Variants in CTNNA2 observed in about 807,000 individuals in gnomAD.
CTNNA2 encodes the protein catenin alpha 2, also known as catenin alpha-2.
In CTNNA2, 42 loss-of-function variants were observed where a neutral mutation model predicts 101.0. The ratio of observed to expected loss-of-function variants is 0.42; its 90% CI spans 0.32 to 0.54. The LOEUF is 0.54. Ranked by LOEUF, CTNNA2 falls within the 20% of genes least tolerant of loss-of-function variation. The pLI, the probability that CTNNA2 is intolerant of heterozygous loss-of-function variation, is 0.14. For synonymous variants in CTNNA2, 450 were observed against 456.4 expected (o/e 0.99, Z 0.18); for missense variants, 871 against 1,223.1 (o/e 0.71, Z 4.29).
At chr2:79,529,446 A>G (rs1206974836) in intron 1 of CTNNA2, among the ~76,000 whole-genome samples, 2 of 152,150 alleles carry the variant, frequency 1.3e-5, no homozygotes, top group African/African-American at 4.8e-5. Flanking sequence ...TAGGAATAAG[A>G]TCTGGACTTC....
chr2:80,016,615 G>C (rs866964072), intron 7 of CTNNA2, among the ~76,000 whole-genome samples: 1 of 152,208 alleles, frequency 6.6e-6, no homozygotes, highest in Non-Finnish European at 1.5e-5. Context: ...GCCTTTTCAA[G>C]TGGTTGACTT....
intron 2 of CTNNA2, among the ~76,000 whole-genome samples, chr2:79,279,664 G>A (rs1573019106): frequency 6.6e-6 from 1 of 152,176 alleles, no homozygotes; most frequent in South Asian, 2.1e-4. Context: ...TAAACAAAAT[G>A]ACTGCTTTTT....
chr2:79,394,505 T>C (rs1309096002), intron 4 of CTNNA2, among the ~76,000 whole-genome samples: 1 of 152,204 alleles, frequency 6.6e-6, no homozygotes, highest in Admixed American at 6.5e-5. Context: ...AAAGAAGGAA[T>C]GAGCACTTTG....
chr2:80,157,945 A>G (rs750211340), intron 7 of CTNNA2, among the ~76,000 whole-genome samples: 78 of 152,316 alleles, frequency 5.1e-4, no homozygotes, highest in Non-Finnish European at 9.1e-4. Flanking sequence ...TTTCCCATTC[A>G]TGGAAATTCA....
Position 79,874,174 on chromosome 2 carries a change from C to T in CTNNA2, c.684C>T (p.Leu228=), listed in dbSNP as rs767136746. Residue 228 remains leucine (L), a synonymous_variant, in exon 6 of 19, where the codon CTC becomes CTT. Coordinates refer to ENST00000402739, the MANE Select transcript of CTNNA2 (RefSeq NM_001282597.3). ...TGTACACGGCCTCTCAAGCATTTCT[C>T]CGCCACCCAGATGTCGCCGCTACGA... is the stretch of plus-strand genomic sequence containing the variant. ...TMLYTASQAF[L]RHPDVAATRA... is the part of the protein sequence containing the mutation. 5.6e-6 allele frequency: 9 copies of T among 1,614,192 alleles called. No homozygotes were observed. The highest frequency in any genetic ancestry group is 1.6e-4 in the Middle Eastern group (1 of 6,062).
At chr2:79,802,014 T>A (rs978531768) in intron 3 of CTNNA2, among the ~76,000 whole-genome samples, 1,021 of 100,288 alleles carry the variant, frequency 0.01, 1 homozygote, top group Middle Eastern at 0.026. Flanking sequence ...AAAAAAAAAA[T>A]GAAAAAAGAA....
chr2:79,402,605 T>C (rs921239780), intron 4 of CTNNA2, among the ~76,000 whole-genome samples: 1 of 151,852 alleles, frequency 6.6e-6, no homozygotes, highest in African/African-American at 2.4e-5. Context: ...TCTCTCTCTC[T>C]CTGTCTCTCT....
At chr2:80,411,446 CTCT>C (rs1173885437) in intron 8 of CTNNA2, among the ~76,000 whole-genome samples, 1 of 152,128 alleles carries the variant, frequency 6.6e-6, no homozygotes, top group Non-Finnish European at 1.5e-5. Flanking sequence ...GCCATGGGTT[CTCT>C]TCTTTTATCC....
chr2:79,935,560 C>T (rs1687729531), intron 7 of CTNNA2, among the ~76,000 whole-genome samples: 1 of 152,116 alleles, frequency 6.6e-6, no homozygotes, highest in South Asian at 2.1e-4. Context: ...ATCTCATGAT[C>T]AGCCCAGTCT....
chr2:80,331,029 T>C (rs1169343275), intron 7 of CTNNA2, among the ~76,000 whole-genome samples: 1 of 151,972 alleles, frequency 6.6e-6, no homozygotes, highest in Non-Finnish European at 1.5e-5. Context: ...ATGTTTTTTT[T>C]TTTTTTTTTT....
chr2:80,146,513 C>A (rs73940970), intron 7 of CTNNA2, among the ~76,000 whole-genome samples: 5 of 151,786 alleles, frequency 3.3e-5, no homozygotes, highest in Admixed American at 3.3e-4. Flanking sequence ...TTTCTCTATC[C>A]GTGATGAATT....
intron 6 of CTNNA2, among the ~76,000 whole-genome samples, chr2:79,891,384 A>G (rs578192300): frequency 1.3e-4 from 20 of 152,320 alleles, no homozygotes; most frequent in Admixed American, 5.2e-4. Context: ...TATTTCAAAG[A>G]TTTTAAGATC....
At chr2:80,181,296 G>C (rs2148980748) in intron 7 of CTNNA2, among the ~76,000 whole-genome samples, 1 of 152,250 alleles carries the variant, frequency 6.6e-6, no homozygotes, top group South Asian at 2.1e-4. Context: ...TGGCAGCATG[G>C]GTGGGGAAGG....
chr2:80,064,738 G>T (rs1171925136), intron 7 of CTNNA2, among the ~76,000 whole-genome samples: 1 of 152,202 alleles, frequency 6.6e-6, no homozygotes, highest in Non-Finnish European at 1.5e-5. Flanking sequence ...GCCCCAATGT[G>T]CAGGCACTTT....
chr2:79,936,502 G>T (rs1319327879), intron 7 of CTNNA2, among the ~76,000 whole-genome samples: 1 of 151,256 alleles, frequency 6.6e-6, no homozygotes, highest in Non-Finnish European at 1.5e-5. Flanking sequence ...CTGGCCCTTC[G>T]AGTGCCACCA....
At chr2:79,813,857 A>C (rs981684179) in intron 3 of CTNNA2, among the ~76,000 whole-genome samples, 5 of 152,186 alleles carry the variant, frequency 3.3e-5, no homozygotes, top group Non-Finnish European at 7.3e-5. Flanking sequence ...AACAACAGAA[A>C]TATATTGTTT....
chr2:79,847,787 A>G (rs1680357064), intron 3 of CTNNA2, among the ~76,000 whole-genome samples: 1 of 152,170 alleles, frequency 6.6e-6, no homozygotes, highest in Non-Finnish European at 1.5e-5. Flanking sequence ...TCCTTTACAT[A>G]TCCATGTCAA....
chr2:79,640,191 G>A (rs531183049), intron 1 of CTNNA2, among the ~76,000 whole-genome samples: 166 of 152,234 alleles, frequency 1.1e-3, no homozygotes, highest in South Asian at 2.1e-3. Flanking sequence ...CTAAATACCA[G>A]TGGAATTCAG....
rs929810294 is a variant in CTNNA2 at position 79,429,200 on chromosome 2, A to C, written c.-135+55187A>C. Among the ~76,000 whole-genome samples, 6 of 152,168 alleles carry C rather than the reference A, an allele frequency of 3.9e-5. No individual in the cohort carries two copies. In the South Asian group the frequency reaches 1.2e-3, roughly 31 times the overall value. On this transcript the variant is annotated intron_variant, in intron 4 of 21. Coordinates refer to the CTNNA2 transcript ENST00000466387. Reference sequence around the variant, plus strand: ...GTGTACACAATTAAAACAAAGTAACAATATGGGATCTGTTAAGCAAAAAAT... The same window carrying C: ...GTGTACACAATTAAAACAAAGTAACCATATGGGATCTGTTAAGCAAAAAAT...
Sources: gnomAD v4.1 joint callset for allele counts (sites outside exome capture counted in the v4.1 genomes callset) on GRCh38, gnomAD v4.1.1 for gene constraint, MANE v1.5 for transcripts, NCBI Gene and HGNC (gene_info 2026-07-23, HGNC 2026-07-21) for gene names.